The following KCNH1 variants were observed in gnomAD, a reference collection of about 807,000 sequenced individuals.
KCNH1 encodes voltage-gated delayed rectifier potassium channel KCNH1.
A neutral mutation model predicts 69.2 loss-of-function variants in KCNH1; 27 were observed. The observed-to-expected ratio is 0.39, with a 90% CI of 0.29 to 0.54. The LOEUF (loss-of-function observed/expected upper bound fraction) is 0.54. Among genes scored for constraint, KCNH1 ranks in the 20% least tolerant of loss-of-function variants. KCNH1 has a pLI of 0.68. For synonymous variants in KCNH1, 456 were observed against 487.7 expected, an observed-to-expected ratio of 0.93 and a Z score of 0.86; for missense variants, 798 against 1,261.6, an observed-to-expected ratio of 0.63 and a Z score of 5.57.
intron 7 of KCNH1, among the ~76,000 whole-genome samples, chr1:210,916,424 G>C (rs1687334461): frequency 6.6e-6 from 1 of 152,158 alleles, no homozygotes; most frequent in Non-Finnish European, 1.5e-5. Context: ...CCATAATCTT[G>C]TTCTTAAAAT....
In KCNH1 at chr1:210,683,988, C is replaced by G; in HGVS notation, c.2263G>C (p.Glu755Gln). 1 of 1,599,402 alleles carries G rather than the reference C, an allele frequency of 6.3e-7. No homozygotes were observed. The highest frequency in any genetic ancestry group is 8.6e-7 in the Non-Finnish European group (1 of 1,169,032). Reference sequence around the variant, plus strand: ...TCATCCAGGTCCCGGCCCCCTCTCTCAGCTGCCAGCCTGGCCTCTTTCTGC... The same window carrying G: ...TCATCCAGGTCCCGGCCCCCTCTCTGAGCTGCCAGCCTGGCCTCTTTCTGC... Reference protein sequence around the residue: ...RQQKEARLAAERGGRDLDDLD... With the variant: ...RQQKEARLAAQRGGRDLDDLD... Residue 755 changes from glutamate (E) to glutamine (Q), a missense_variant, in exon 11 of 11, where the codon GAG becomes CAG. Around this residue, in one of 4 missense-constraint regions of KCNH1, gnomAD observed 331 missense variants for 363.2 expected, o/e 0.91. Transcript: ENST00000271751. The surrounding 1 kb of genome is among the most constrained non-coding windows in gnomAD (Gnocchi z 5.7).
chr1:210,899,055 T>C (rs1686935864), intron 7 of KCNH1, among the ~76,000 whole-genome samples: 1 of 152,186 alleles, frequency 6.6e-6, no homozygotes, highest in South Asian at 2.1e-4. Flanking sequence ...TATGACCCTA[T>C]TTTATAGAAC....
chr1:210,947,907 A>G (rs1339300814), intron 6 of KCNH1, among the ~76,000 whole-genome samples: 1 of 152,094 alleles, frequency 6.6e-6, no homozygotes, highest in Non-Finnish European at 1.5e-5. Context: ...AGTTTTTGTC[A>G]TAATAAATCG....
intron 6 of KCNH1, among the ~76,000 whole-genome samples, chr1:210,947,413 C>T (rs979953488): frequency 2.2e-4 from 33 of 150,624 alleles, no homozygotes; most frequent in Middle Eastern, 3.4e-3. Flanking sequence ...ACTAAAAATA[C>T]GAAAAAAAAA....
intron 6 of KCNH1, among the ~76,000 whole-genome samples, chr1:211,015,284 T>A (rs536135292): frequency 6.6e-6 from 1 of 152,266 alleles, no homozygotes; most frequent in South Asian, 2.1e-4. Context: ...CTTCATTAAG[T>A]GTTTTGCTCC....
chr1:210,982,605 CTT>C (rs1401813171), intron 6 of KCNH1, among the ~76,000 whole-genome samples: 3 of 152,062 alleles, frequency 2.0e-5, no homozygotes, highest in African/African-American at 7.2e-5. Flanking sequence ...GAACTCATCA[CTT>C]TTTATGGCTG....
chr1:210,961,889 C>T (rs1452480510), intron 6 of KCNH1, among the ~76,000 whole-genome samples: 1 of 151,918 alleles, frequency 6.6e-6, no homozygotes, highest in Non-Finnish European at 1.5e-5. Flanking sequence ...GTTTTAATGC[C>T]TTGTCTGATA....
chr1:210,937,105 C>A (rs1328791088), intron 6 of KCNH1, among the ~76,000 whole-genome samples: 1 of 152,184 alleles, frequency 6.6e-6, no homozygotes, highest in Non-Finnish European at 1.5e-5. Flanking sequence ...TGCCAAACTT[C>A]CTAATATTCC....
At chr1:211,068,288 T>C (rs1017668074) in intron 5 of KCNH1, among the ~76,000 whole-genome samples, 10 of 152,246 alleles carry the variant, frequency 6.6e-5, no homozygotes, top group Admixed American at 6.5e-4. Context: ...ATTTTTCTGT[T>C]TAGAACTTCC....
intron 10 of KCNH1, among the ~76,000 whole-genome samples, chr1:210,760,028 G>A (rs1324057692): frequency 6.6e-6 from 1 of 152,130 alleles, no homozygotes; most frequent in Non-Finnish European, 1.5e-5. Context: ...ATTGTGAGCT[G>A]TGCACGCGAG....
intron 7 of KCNH1, among the ~76,000 whole-genome samples, chr1:210,880,642 C>T (rs966738113): frequency 6.6e-6 from 1 of 152,046 alleles, no homozygotes; most frequent in African/African-American, 2.4e-5. Flanking sequence ...CAGAAGAAAA[C>T]AGGAGAAAAT....
At chr1:210,822,628 A>G (rs904408665) in intron 7 of KCNH1, among the ~76,000 whole-genome samples, 2 of 152,084 alleles carry the variant, frequency 1.3e-5, no homozygotes, top group African/African-American at 4.8e-5. Flanking sequence ...TTTATTTTGC[A>G]CTGGGTTTCA....
intron 10 of KCNH1, among the ~76,000 whole-genome samples, chr1:210,720,088 A>G (rs898969206): frequency 6.6e-6 from 1 of 152,238 alleles, no homozygotes; most frequent in African/African-American, 2.4e-5. Context: ...CAGATGGGAC[A>G]TTCTATGGCC....
intron 10 of KCNH1, among the ~76,000 whole-genome samples, chr1:210,696,192 A>G (rs1215724151): frequency 8.5e-5 from 13 of 152,150 alleles, no homozygotes; most frequent in Admixed American, 8.5e-4. Context: ...TCTTCCTCAG[A>G]GGTCCTGGCA....
intron 6 of KCNH1, among the ~76,000 whole-genome samples, chr1:211,004,128 A>G (rs1256492932): frequency 1.3e-5 from 2 of 152,152 alleles, no homozygotes; most frequent in African/African-American, 4.8e-5. Context: ...ATAAGCAATC[A>G]TGAATCCAAT....
At chr1:210,817,011 T>C (rs1293161393) in intron 7 of KCNH1, among the ~76,000 whole-genome samples, 1 of 152,212 alleles carries the variant, frequency 6.6e-6, no homozygotes. Flanking sequence ...CCAACTCTAA[T>C]CTCAGTACCT....
chr1:210,751,169 GA>G (rs1683275834), intron 10 of KCNH1, among the ~76,000 whole-genome samples: 1 of 152,134 alleles, frequency 6.6e-6, no homozygotes, highest in Admixed American at 6.5e-5. Context: ...TGTGGTGTAG[GA>G]AACTGAGAGG....
chr1:210,765,242 C>A (rs1200140176), intron 10 of KCNH1, among the ~76,000 whole-genome samples: 2 of 151,550 alleles, frequency 1.3e-5, no homozygotes. Context: ...CAAAACTGGG[C>A]AGGGGGTAAT....
chr1:211,058,388 A>T (rs752420214), intron 5 of KCNH1, among the ~76,000 whole-genome samples: 14 of 152,132 alleles, frequency 9.2e-5, no homozygotes, highest in Non-Finnish European at 2.1e-4. Flanking sequence ...CCAATAAAAA[A>T]TGGTAGCTAT....
Sources: gnomAD v4.1 joint callset for allele counts (sites outside exome capture counted in the v4.1 genomes callset) on GRCh38, gnomAD v4.1.1 for gene constraint, gnomAD v4.1.1 regional missense constraint, Gnocchi (gnomAD v3.1) non-coding constraint, MANE v1.5 for transcripts, NCBI Gene and HGNC (gene_info 2026-07-23, HGNC 2026-07-21) for gene names.